HS3ST2: variants seen among roughly 807,000 people sequenced by gnomAD.
HS3ST2 encodes the protein heparan sulfate glucosamine 3-O-sulfotransferase 2.
In HS3ST2, 17 loss-of-function variants were observed where a neutral mutation model predicts 26.3. That is an observed-to-expected ratio of 0.65 (90% confidence interval 0.44 to 0.97). HS3ST2 has a LOEUF of 0.97. Among genes scored for constraint, HS3ST2 ranks in the 50% least tolerant of loss-of-function variants. The pLI is 0.00. For synonymous variants in HS3ST2, 237 were observed against 219.2 expected (o/e 1.08, Z -0.72); for missense variants, 402 against 501.2 (o/e 0.80, Z 1.89).
Position 22,814,448 on chromosome 16 carries a change from C to G in HS3ST2, c.-163C>G. On this transcript the variant is annotated 5_prime_UTR_variant, in exon 1 of 2. Transcript: ENST00000261374. Reference sequence around the variant, plus strand: ...GCCCCCGGGACCCCCTGGCACTGTGCGCACCCTGGTCAGCAGCCCCCGGAG... The same window carrying G: ...GCCCCCGGGACCCCCTGGCACTGTGGGCACCCTGGTCAGCAGCCCCCGGAG... 1 of 640,582 alleles carries G rather than the reference C, an allele frequency of 1.6e-6. No homozygotes were observed. The highest frequency in any genetic ancestry group is 2.5e-6 in the Non-Finnish European group (1 of 401,998). The allele number at this position is 640,582 out of a possible 1,614,324, so 39.7% of individuals were successfully genotyped here.
rs117420763 is a variant in HS3ST2, at chr16:22,822,875, G to A, written c.485+7780G>A. Among the ~76,000 whole-genome samples, 755 of 150,618 alleles carry A rather than the reference G, an allele frequency of 5.0e-3. 16 individuals carry two copies. The highest frequency in any genetic ancestry group is 0.036 in the Admixed American group (551 of 15,124). The stretch of plus-strand genomic sequence containing the variant: ...GTCTCAGAAAAAAAAAAAAAAGAAA[G>A]AAAGAAAAAAAGATATTTGTATTGT... On this transcript the variant is annotated intron_variant, in intron 1 of 1. Transcript: ENST00000261374.
chr16:22,888,178 T>C (rs1442700256), intron 1 of HS3ST2, among the ~76,000 whole-genome samples: 1 of 152,100 alleles, frequency 6.6e-6, no homozygotes, highest in Non-Finnish European at 1.5e-5. Flanking sequence ...AATACATTTA[T>C]TGAATTTAAA....
intron 1 of HS3ST2, among the ~76,000 whole-genome samples, chr16:22,891,727 C>T (rs1902132135): frequency 6.6e-6 from 1 of 152,098 alleles, no homozygotes; most frequent in Admixed American, 6.5e-5. Context: ...CCTTCCAGCC[C>T]TTAGCCCTTC....
chr16:22,835,283 C>G (rs1389498782), intron 1 of HS3ST2, among the ~76,000 whole-genome samples: 1 of 145,202 alleles, frequency 6.9e-6, no homozygotes, highest in Non-Finnish European at 1.5e-5. Flanking sequence ...GTTATATAGG[C>G]TATTTCTGTT....
At chr16:22,885,490 C>T (rs944807447) in intron 1 of HS3ST2, among the ~76,000 whole-genome samples, 1 of 151,592 alleles carries the variant, frequency 6.6e-6, no homozygotes, top group Non-Finnish European at 1.5e-5. Flanking sequence ...GAATCTCACT[C>T]TGCTGCCCAG....
At chr16:22,896,708 C>T (rs1902215935) in intron 1 of HS3ST2, among the ~76,000 whole-genome samples, 2 of 152,188 alleles carry the variant, frequency 1.3e-5, no homozygotes, top group Non-Finnish European at 2.9e-5. Context: ...GCTTACTTCA[C>T]CCATACCTTG....
At chr16:22,910,244 T>C (rs1902409376) in intron 1 of HS3ST2, among the ~76,000 whole-genome samples, 1 of 152,182 alleles carries the variant, frequency 6.6e-6, no homozygotes, top group African/African-American at 2.4e-5. Flanking sequence ...TGTCCTCAAT[T>C]CCTTTCTTGG....
chr16:22,826,377 C>T lies in HS3ST2; in HGVS notation c.485+11282C>T, dbSNP rs117043855. On this transcript the variant is annotated intron_variant, in intron 1 of 1. Transcript: ENST00000261374. ...TCTGGCTACTTCTCATCATGCATGT[C>T]CCAGCTCCAATGTCACCTCCTCAAA... Among the ~76,000 whole-genome samples, 693 of 152,256 alleles carry T rather than the reference C, an allele frequency of 4.6e-3. 4 individuals are homozygous for T. Among genetic ancestry groups the T allele is most frequent in the Non-Finnish European group, 7.1e-3 (486 of 68,022 alleles).
chr16:22,850,900 C>T (rs1319452713), intron 1 of HS3ST2, among the ~76,000 whole-genome samples: 1 of 152,206 alleles, frequency 6.6e-6, no homozygotes, highest in East Asian at 1.9e-4. Flanking sequence ...CTGTAACCAT[C>T]TGAGGGTTCT....
intron 1 of HS3ST2, among the ~76,000 whole-genome samples, chr16:22,823,992 A>G (rs1233293718): frequency 6.6e-6 from 1 of 152,234 alleles, no homozygotes; most frequent in African/African-American, 2.4e-5. Context: ...GGATTTCTTC[A>G]TTATTCTTAC....
At chr16:22,871,252 A>C (rs1031633263) in intron 1 of HS3ST2, among the ~76,000 whole-genome samples, 1 of 151,958 alleles carries the variant, frequency 6.6e-6, no homozygotes, top group African/African-American at 2.4e-5. Context: ...GCTACTTGGG[A>C]AGCTGAGGCA....
intron 1 of HS3ST2, among the ~76,000 whole-genome samples, chr16:22,876,272 CA>C (rs1901915336): frequency 6.6e-6 from 1 of 151,682 alleles, no homozygotes; most frequent in African/African-American, 2.4e-5. Context: ...ATAATCTCAT[CA>C]AAAAGTGGGC....
chr16:22,915,468 T>C lies in HS3ST2; in HGVS notation c.1010T>C (p.Ile337Thr). The C allele has an allele frequency of 6.2e-7, 1 of 1,613,828 alleles. No homozygotes were observed. Among genetic ancestry groups the C allele is most frequent in the Non-Finnish European group, 8.5e-7 (1 of 1,179,948 alleles). Residue 337 changes from isoleucine to threonine, a missense_variant, in exon 2 of 2, where the codon ATT becomes ACT. Physicochemically the swap from Ile to Thr is moderately conservative, Grantham distance 89. Around this residue, in one of 2 missense-constraint regions of HS3ST2, gnomAD observed 237 missense variants for 346.6 expected, o/e 0.68. Transcript: ENST00000261374. ...TCAAAAGGGAGAACTCATGTACAGA[T>C]TGATCCTGAAGTGATAGACCAGCTC... is the stretch of plus-strand genomic sequence containing the variant. ...GKSKGRTHVQ[I>T]DPEVIDQLRE...
intron 1 of HS3ST2, among the ~76,000 whole-genome samples, chr16:22,873,466 T>G (rs1423166180): frequency 1.3e-5 from 2 of 152,204 alleles, no homozygotes; most frequent in African/African-American, 4.8e-5. Context: ...GGGTAACAGA[T>G]AAACTAGATT....
chr16:22,871,032 T>C (rs554880936), intron 1 of HS3ST2, among the ~76,000 whole-genome samples: 1 of 152,264 alleles, frequency 6.6e-6, no homozygotes, highest in African/African-American at 2.4e-5. Flanking sequence ...ATTCAATAAG[T>C]CACATGAGCT....
chr16:22,890,755 C>T (rs1342392382), intron 1 of HS3ST2, among the ~76,000 whole-genome samples: 2 of 152,190 alleles, frequency 1.3e-5, no homozygotes, highest in African/African-American at 4.8e-5. Flanking sequence ...TTAGAAACCA[C>T]GTCAGGCAGA....
At chr16:22,888,770 A>G (rs1295661372) in intron 1 of HS3ST2, among the ~76,000 whole-genome samples, 1 of 152,160 alleles carries the variant, frequency 6.6e-6, no homozygotes, top group East Asian at 1.9e-4. Context: ...CTGCCACTTC[A>G]TCTGAGTATT....
intron 1 of HS3ST2, among the ~76,000 whole-genome samples, chr16:22,859,792 C>T (rs942419596): frequency 9.2e-5 from 14 of 152,162 alleles, no homozygotes; most frequent in African/African-American, 3.4e-4. Context: ...GTGCAGGCAA[C>T]AAATGCCTAT....
rs551009066 is a variant in HS3ST2 at position 22,858,346 on chromosome 16, A to T, written c.485+43251A>T. ...TAGTATGTGCCCACAAATTTTTTTT[A>T]AAAAATTTTAAAGAAGAGCTCTTGG... On this transcript the variant is annotated intron_variant, in intron 1 of 1. Transcript: ENST00000261374. 1.9e-4 allele frequency among the ~76,000 whole-genome samples: 28 copies of T among 150,948 alleles called. 2 individuals are homozygous for T. In the South Asian group the frequency reaches 3.0e-3, roughly 16 times the overall value.
Sources: allele counts gnomAD v4.1 joint callset (sites outside exome capture counted in the v4.1 genomes callset), GRCh38; gene constraint gnomAD v4.1.1; regional missense constraint gnomAD v4.1.1; transcripts MANE v1.5; gene names NCBI Gene and HGNC (gene_info 2026-07-23, HGNC 2026-07-21).